The following BLTP3B variants were observed in gnomAD, a reference collection of about 807,000 sequenced individuals.
BLTP3B encodes bridge-like lipid transfer protein family member 3B.
chr12:100,102,808 C>T, the BLTP3B span: 5 of 1,607,006 alleles, frequency 3.1e-6, no homozygotes, highest in South Asian at 4.5e-5. Flanking sequence ...GCCATTAGGG[C>T]TTCTTGGTTC....
chr12:100,096,304 A>C, the BLTP3B span, among the ~76,000 whole-genome samples: 2 of 152,166 alleles, frequency 1.3e-5, no homozygotes, highest in Non-Finnish European at 2.9e-5. Flanking sequence ...TATGAAAGGA[A>C]TATCACCTAG....
At chr12:100,111,633 T>C in the BLTP3B span, among the ~76,000 whole-genome samples, 1 of 152,036 alleles carries the variant, frequency 6.6e-6, no homozygotes, top group African/African-American at 2.4e-5. Flanking sequence ...TTTGAGACAG[T>C]CTTGCTCTGT....
chr12:100,058,902 G>T, the BLTP3B span: 1 of 1,613,768 alleles, frequency 6.2e-7, no homozygotes, highest in Non-Finnish European at 8.5e-7. Flanking sequence ...TCTGAAAAAT[G>T]TATCTGATGA....
chr12:100,070,445 C>CG, the BLTP3B span, among the ~76,000 whole-genome samples: 4 of 151,820 alleles, frequency 2.6e-5, no homozygotes, highest in Non-Finnish European at 2.9e-5. Flanking sequence ...TTTTAGTAGA[C>CG]GGGGTTTTAC....
chr12:100,142,389 A>G, the BLTP3B span, among the ~76,000 whole-genome samples: 1 of 152,144 alleles, frequency 6.6e-6, no homozygotes, highest in Non-Finnish European at 1.5e-5. Flanking sequence ...AAGACGCGTC[A>G]GGGGCCGATT....
At chr12:100,051,016 G>A in the BLTP3B span, 30 of 1,585,946 alleles carry the variant, frequency 1.9e-5, no homozygotes, top group Admixed American at 3.3e-4. Flanking sequence ...ATATATACAT[G>A]TCAAATATGA....
chr12:100,058,257 G>C, the BLTP3B span: 1 of 1,613,368 alleles, frequency 6.2e-7, no homozygotes, highest in Non-Finnish European at 8.5e-7. Context: ...GATACTACTT[G>C]AATCTGTATA....
the BLTP3B span, among the ~76,000 whole-genome samples, chr12:100,040,311 G>T: frequency 6.6e-6 from 1 of 151,932 alleles, no homozygotes; most frequent in South Asian, 2.1e-4. Context: ...TGGGAGAACT[G>T]CTTGAGACCA....
At chr12:100,111,392 C>G in the BLTP3B span, among the ~76,000 whole-genome samples, 2 of 147,216 alleles carry the variant, frequency 1.4e-5, no homozygotes, top group African/African-American at 5.0e-5. Flanking sequence ...CGCCTGGACT[C>G]AGGTGATCCC....
chr12:100,048,085 A>C, the BLTP3B span: 1 of 1,613,358 alleles, frequency 6.2e-7, no homozygotes, highest in Non-Finnish European at 8.5e-7. Context: ...GCACTGCAGA[A>C]ATCCATTTTT....
At chr12:100,051,733 A>C in the BLTP3B span, 1 of 152,282 alleles carries the variant, frequency 6.6e-6, no homozygotes, top group Non-Finnish European at 1.5e-5. Flanking sequence ...GGGGTTAAGA[A>C]GACATCTCTG....
At chr12:100,121,444 G>C in the BLTP3B span, among the ~76,000 whole-genome samples, 3 of 151,818 alleles carry the variant, frequency 2.0e-5, no homozygotes, top group Non-Finnish European at 1.5e-5. Context: ...CAGAAGGAGA[G>C]AGAGGATTAC....
chr12:100,072,554 A>G, the BLTP3B span: 1 of 932,782 alleles, frequency 1.1e-6, no homozygotes, highest in Non-Finnish European at 1.5e-6. Flanking sequence ...AAAAACTAAT[A>G]ATAAATAAGG....
At chr12:100,056,908 T>G in the BLTP3B span, among the ~76,000 whole-genome samples, 423 of 152,284 alleles carry the variant, frequency 2.8e-3, 5 homozygotes, top group African/African-American at 9.5e-3. Flanking sequence ...CAGCAACTAC[T>G]TTCTGACTAT....
chr12:100,096,029 A>T, the BLTP3B span, among the ~76,000 whole-genome samples: 36 of 152,318 alleles, frequency 2.4e-4, no homozygotes, highest in East Asian at 6.4e-3. Flanking sequence ...AGGCAGGTGG[A>T]TCACCCGAGG....
the BLTP3B span, among the ~76,000 whole-genome samples, chr12:100,137,944 T>C: frequency 6.6e-6 from 1 of 152,114 alleles, no homozygotes; most frequent in Non-Finnish European, 1.5e-5. Context: ...TAGACAAAAC[T>C]GGGTCACAAA....
At chr12:100,038,397 G>A in the BLTP3B span, among the ~76,000 whole-genome samples, 49 of 152,098 alleles carry the variant, frequency 3.2e-4, no homozygotes, top group South Asian at 6.2e-4. Context: ...ATACAATGGC[G>A]CAATCTCAGC....
chr12:100,129,970 C>A, the BLTP3B span, among the ~76,000 whole-genome samples: 1 of 152,088 alleles, frequency 6.6e-6, no homozygotes, highest in Non-Finnish European at 1.5e-5. Context: ...TTTCTTCCCC[C>A]CCTTGGGATG....
chr12:100,037,816 T>C, the BLTP3B span: 1 of 1,417,058 alleles, frequency 7.1e-7, no homozygotes, highest in East Asian at 2.4e-5. Context: ...TACAGACTAT[T>C]TATATAGTAT....
Sources: gnomAD v4.1 joint callset for allele counts (sites outside exome capture counted in the v4.1 genomes callset) on GRCh38, gnomAD v4.1.1 for gene constraint, MANE v1.5 for transcripts, NCBI Gene and HGNC (gene_info 2026-07-23, HGNC 2026-07-21) for gene names.